Variants in VRK1 observed in about 807,000 individuals in gnomAD.
The protein encoded by VRK1 is serine/threonine-protein kinase VRK1.
A neutral mutation model predicts 57.1 loss-of-function variants in VRK1; 33 were observed. The ratio of observed to expected loss-of-function variants is 0.58; its 90% CI spans 0.44 to 0.77. The LOEUF (loss-of-function observed/expected upper bound fraction) is 0.77, where lower values mean the gene tolerates loss of function less well. Ranked by LOEUF, VRK1 falls within the 30% of genes least tolerant of loss-of-function variation. The pLI, the probability that VRK1 is intolerant of heterozygous loss-of-function variation, is 0.00. For missense variants in VRK1, 413 were observed against 477.3 expected (o/e 0.87, Z 1.25); for synonymous variants, 137 against 147.8 (o/e 0.93, Z 0.53).
chr14:96,823,198 A>G (rs1463671430), intron 1 of VRK1, among the ~76,000 whole-genome samples: 2 of 152,174 alleles, frequency 1.3e-5, no homozygotes, highest in African/African-American at 2.4e-5. Flanking sequence ...CTGAAATATT[A>G]GGTAACATAT....
chr14:96,851,221 A>G (rs1887933931), intron 5 of VRK1, among the ~76,000 whole-genome samples: 1 of 151,748 alleles, frequency 6.6e-6, no homozygotes, highest in Non-Finnish European at 1.5e-5. Flanking sequence ...GCTCACTGCA[A>G]TCTCCGCCTC....
chr14:96,858,111 C>T (rs143514383), intron 10 of VRK1, among the ~76,000 whole-genome samples: 75 of 152,038 alleles, frequency 4.9e-4, no homozygotes, highest in African/African-American at 1.5e-3. Context: ...ACTCTGTTGC[C>T]CAGGCTAGAG....
chr14:96,861,216 C>G (rs1888378186), intron 11 of VRK1, among the ~76,000 whole-genome samples: 1 of 151,998 alleles, frequency 6.6e-6, no homozygotes, highest in Non-Finnish European at 1.5e-5. Context: ...TTATATAAAG[C>G]TATATATCAG....
chr14:96,823,469 GA>G (rs1363661391), intron 1 of VRK1, among the ~76,000 whole-genome samples: 1 of 152,116 alleles, frequency 6.6e-6, no homozygotes, highest in African/African-American at 2.4e-5. Flanking sequence ...AATAACCTCT[GA>G]AAAAAATACC....
At chr14:96,836,433 C>T (rs760417428) in intron 2 of VRK1, among the ~76,000 whole-genome samples, 4 of 151,730 alleles carry the variant, frequency 2.6e-5, no homozygotes, top group Non-Finnish European at 5.9e-5. Flanking sequence ...TCTGATCTGT[C>T]TCTCCTCTTC....
At chr14:96,872,518 G>A (rs1006105780) in intron 11 of VRK1, among the ~76,000 whole-genome samples, 41 of 152,100 alleles carry the variant, frequency 2.7e-4, no homozygotes, top group Non-Finnish European at 1.5e-5. Context: ...ATATAACTCT[G>A]GAAAAAAATA....
In VRK1 at chr14:96,847,548, T is replaced by C. The variant is rs183204739; in HGVS notation, c.374+204T>C. ...AGCAGGCTATGATGCCTTATTAGAA[T>C]AGGAGTGCCTCTCTAGTCAGGGAGC... On this transcript the variant is annotated intron_variant, in intron 5 of 12. Coordinates refer to ENST00000216639, the MANE Select transcript of VRK1 (RefSeq NM_003384.3). Among the ~76,000 whole-genome samples the C allele has an allele frequency of 5.9e-3, 898 of 152,282 alleles. 10 individuals are homozygous for C. Among genetic ancestry groups the C allele is most frequent in the African/African-American group, 0.021 (859 of 41,562 alleles).
At chr14:96,807,216 GACCATTAGAAAATTCTT>G (rs1885915358) in intron 1 of VRK1, among the ~76,000 whole-genome samples, 1 of 152,140 alleles carries the variant, frequency 6.6e-6, no homozygotes, top group African/African-American at 2.4e-5. Context: ...TTAAAGTTTT[GACCATTAGAAAATTCTT>G]TCTTACATTG....
chr14:96,843,800 C>T (rs1265113452), intron 3 of VRK1, among the ~76,000 whole-genome samples: 1 of 152,060 alleles, frequency 6.6e-6, no homozygotes, highest in East Asian at 1.9e-4. Context: ...GAGTGCAATG[C>T]CAAGGAAGTA....
intron 11 of VRK1, among the ~76,000 whole-genome samples, chr14:96,866,439 C>A (rs189301822): frequency 7.9e-5 from 12 of 152,224 alleles, no homozygotes; most frequent in African/African-American, 2.9e-4. Flanking sequence ...ACTATATTGG[C>A]GATCTCTTCT....
intron 11 of VRK1, among the ~76,000 whole-genome samples, chr14:96,871,353 T>A (rs1051151168): frequency 2.0e-5 from 3 of 152,114 alleles, no homozygotes; most frequent in Non-Finnish European, 4.4e-5. Flanking sequence ...TTTAAACAAG[T>A]AGACAACAAC....
At chr14:96,861,407 C>T (rs551476338) in intron 11 of VRK1, among the ~76,000 whole-genome samples, 1 of 152,160 alleles carries the variant, frequency 6.6e-6, no homozygotes, top group South Asian at 2.1e-4. Flanking sequence ...ACTGATTTCC[C>T]TTATAATCTG....
intron 1 of VRK1, among the ~76,000 whole-genome samples, chr14:96,821,956 C>A (rs2139721348): frequency 6.7e-6 from 1 of 148,510 alleles, no homozygotes; most frequent in African/African-American, 2.5e-5. Flanking sequence ...ATCTGTGTGG[C>A]TAGATTCTCT....
intron 1 of VRK1, among the ~76,000 whole-genome samples, chr14:96,798,296 T>C (rs1018558593): frequency 2.0e-5 from 3 of 152,238 alleles, no homozygotes; most frequent in Non-Finnish European, 4.4e-5. Context: ...CGAAATAGTA[T>C]TGTGGTTCTC....
intron 1 of VRK1, among the ~76,000 whole-genome samples, chr14:96,809,237 A>G (rs927793324): frequency 6.6e-6 from 1 of 152,186 alleles, no homozygotes; most frequent in African/African-American, 2.4e-5. Context: ...CACCTCCACC[A>G]TACTCTATTG....
chr14:96,861,316 A>G (rs1595681360), intron 11 of VRK1, among the ~76,000 whole-genome samples: 1 of 152,156 alleles, frequency 6.6e-6, no homozygotes, highest in Non-Finnish European at 1.5e-5. Context: ...AACTTCTGGC[A>G]TCACTTTAGA....
At chr14:96,877,729 C>T (rs8016074) in intron 12 of VRK1, 24 of 948,898 alleles carry the variant, frequency 2.5e-5, no homozygotes, top group Middle Eastern at 5.3e-4. Flanking sequence ...AGAGTCTCAG[C>T]TGCGCATCAG....
Position 96,881,247 on chromosome 14 carries a change from CT to C in VRK1, c.*43del, listed in dbSNP as rs1889247991. The C allele has an allele frequency of 6.4e-7, 1 of 1,561,700 alleles. No individual in the cohort carries two copies. The highest frequency in any genetic ancestry group is 8.7e-7 in the Non-Finnish European group (1 of 1,147,066). On this transcript the variant is annotated 3_prime_UTR_variant, in exon 13 of 13. Coordinates refer to ENST00000216639, the MANE Select transcript of VRK1 (RefSeq NM_003384.3). ...AACCAGATTTCCTTTTCTTTGTTTT[CT>C]TTTGACTTTTTTCTCCTTTTCTATT...
At chr14:96,836,153 T>A (rs190172925) in intron 2 of VRK1, among the ~76,000 whole-genome samples, 25 of 152,296 alleles carry the variant, frequency 1.6e-4, no homozygotes, top group Admixed American at 1.5e-3. Flanking sequence ...TTATTTTACA[T>A]TGTTTTTGTA....
Sources: allele counts gnomAD v4.1 joint callset (sites outside exome capture counted in the v4.1 genomes callset), GRCh38; gene constraint gnomAD v4.1.1; transcripts MANE v1.5; gene names NCBI Gene and HGNC (gene_info 2026-07-23, HGNC 2026-07-21).